The following UQCR11 variants were observed in gnomAD, a reference collection of about 807,000 sequenced individuals.
UQCR11 encodes the protein ubiquinol-cytochrome c reductase, complex III subunit XI, also known as cytochrome b-c1 complex subunit 10.
In UQCR11, 10 loss-of-function variants were observed where a neutral mutation model predicts 7.6. The ratio of observed to expected loss-of-function variants is 1.31; its 90% CI spans 0.81 to 2.22. The LOEUF is 2.22. Among genes scored for constraint, UQCR11 ranks in the 30% most tolerant of loss-of-function variants. The pLI is 0.00. For missense variants in UQCR11, 86 were observed against 75.1 expected (o/e 1.15, Z -0.54); for synonymous variants, 34 against 34.9 (o/e 0.97, Z 0.09).
In UQCR11 at chr19:1,605,122, C is replaced by A. The variant is rs981233778; in HGVS notation, c.50+238G>T. Among the ~76,000 whole-genome samples the A allele has an allele frequency of 3.9e-5, 6 of 152,238 alleles. No homozygotes were observed. The East Asian group carries it at 1.2e-3, about 29-fold the overall frequency. On this transcript the variant is annotated intron_variant, in intron 1 of 2. Coordinates refer to ENST00000591899, the MANE Select transcript of UQCR11 (RefSeq NM_006830.4). ...GAGATGGGGAAACTGAGGCTTGGAG[C>A]GGCCTAGCCGCGGAGCCGGGCATGC...
chr19:1,599,587 C>T, intron 1 of UQCR11, 27 bp from the exon 2 acceptor site: 1 of 1,603,054 alleles, frequency 6.2e-7, no homozygotes, highest in Non-Finnish European at 8.5e-7. Flanking sequence ...GATGGTCAGG[C>T]CTGCTCTGGA....
intron 1 of UQCR11, among the ~76,000 whole-genome samples, chr19:1,601,088 G>C (rs560008772): frequency 6.6e-6 from 1 of 152,170 alleles, no homozygotes. Context: ...AGAATGGCTT[G>C]AACCCAGGAG....
intron 1 of UQCR11, among the ~76,000 whole-genome samples, chr19:1,602,949 C>T (rs754945142): frequency 5.3e-5 from 8 of 152,218 alleles, no homozygotes; most frequent in Non-Finnish European, 1.0e-4. Flanking sequence ...GACCTCGTCG[C>T]CACGACAACC....
At position 1,600,567 on chromosome 19, in the gene UQCR11, G is replaced by A. The variant is rs562840384; in HGVS notation, c.51-1007C>T. The stretch of plus-strand genomic sequence containing the variant: ...GCATGAGCAATGGGGCATCACTGCC[G>A]AGGTCAAGTGACAAAAGACTGGCTT... On this transcript the variant is annotated intron_variant, in intron 1 of 2. Transcript: ENST00000591899. Among the ~76,000 whole-genome samples the A allele has an allele frequency of 1.5e-3, 228 of 152,280 alleles. 1 individual carries two copies. The highest frequency in any genetic ancestry group is 2.8e-3 in the Non-Finnish European group (191 of 68,018).
In UQCR11 at chr19:1,599,393, G is replaced by C. The variant is rs547174800; in HGVS notation, c.*28+19C>G. 1 of 1,608,142 alleles carries C rather than the reference G, an allele frequency of 6.2e-7. No individual in the cohort carries two copies. Among genetic ancestry groups the C allele is most frequent in the East Asian group, 2.2e-5 (1 of 44,774 alleles). On this transcript the variant is annotated intron_variant, in intron 2 of 2. Transcript: ENST00000591899. Reference sequence around the variant, plus strand: ...CCGGCCATCATGCAGTCCACCCACCGCAGCCCACTGAAACTTACCAGAGCA... The same window carrying C: ...CCGGCCATCATGCAGTCCACCCACCCCAGCCCACTGAAACTTACCAGAGCA...
chr19:1,605,399 C>A lies in UQCR11; in HGVS notation c.11G>T (p.Arg4Leu). ...CTCCCGGTAGCGTGGGCCCAGGAACCGGGTCACCATCGCGGCGGAGTCGCA... is the reference window on the plus strand; with the variant it reads ...CTCCCGGTAGCGTGGGCCCAGGAACAGGGTCACCATCGCGGCGGAGTCGCA... Reference protein sequence around the residue: MVTRFLGPRYRELV... With the variant: MVTLFLGPRYRELV... Residue 4 changes from arginine to leucine, a missense_variant, in exon 1 of 3, where the codon CGG becomes CTG. Transcript: ENST00000591899. 1 of 1,572,280 alleles carries A rather than the reference C, an allele frequency of 6.4e-7. No homozygotes were observed. Among genetic ancestry groups the A allele is most frequent in the Non-Finnish European group, 8.6e-7 (1 of 1,163,484 alleles).
Position 1,599,564 on chromosome 19 carries a change from C to G in UQCR11, c.51-4G>C, listed in dbSNP as rs199631311. 3.7e-6 allele frequency: 6 copies of G among 1,607,990 alleles called. No individual in the cohort carries two copies. Among genetic ancestry groups the G allele is most frequent in the Non-Finnish European group, 5.1e-6 (6 of 1,179,922 alleles). ...CCATGTGTAGGCCGTCGGGACCCTG[C>G]GAGAGGAGAGGGGATGGTCAGGCCT... On this transcript the variant is annotated splice_polypyrimidine_tract_variant and splice_region_variant and intron_variant, in intron 1 of 2. Transcript: ENST00000591899.
chr19:1,600,033 T>G (rs1327537773), intron 1 of UQCR11, among the ~76,000 whole-genome samples: 2 of 152,176 alleles, frequency 1.3e-5, no homozygotes, highest in Non-Finnish European at 2.9e-5. Flanking sequence ...GGTTCCAAGC[T>G]CATGCTCTTG....
intron 1 of UQCR11, among the ~76,000 whole-genome samples, chr19:1,600,358 C>T (rs1377856424): frequency 1.3e-5 from 2 of 152,066 alleles, no homozygotes; most frequent in African/African-American, 2.4e-5. Context: ...GGACTACAGG[C>T]GCCCGTCACT....
intron 1 of UQCR11, among the ~76,000 whole-genome samples, chr19:1,600,393 T>C (rs1369304693): frequency 6.6e-6 from 1 of 152,116 alleles, no homozygotes; most frequent in Non-Finnish European, 1.5e-5. Flanking sequence ...TTTTGCATTT[T>C]TAGTAGAGAT....
chr19:1,602,613 G>A (rs1422700827), intron 1 of UQCR11, among the ~76,000 whole-genome samples: 2 of 151,990 alleles, frequency 1.3e-5, no homozygotes, highest in South Asian at 2.1e-4. Flanking sequence ...TACCGCGCCC[G>A]ACTAATTTTT....
At chr19:1,605,050 C>T (rs536592617) in intron 1 of UQCR11, among the ~76,000 whole-genome samples, 3 of 152,378 alleles carry the variant, frequency 2.0e-5, no homozygotes, top group Non-Finnish European at 2.9e-5. Context: ...GACTCGGCAC[C>T]TTCTGGGCGC....
In UQCR11 at chr19:1,597,657, G is replaced by A. The variant is rs1365925499; in HGVS notation, c.*587C>T. 6 of 152,124 alleles carry A rather than the reference G, an allele frequency of 3.9e-5. No individual in the cohort carries two copies. The highest frequency in any genetic ancestry group is 1.4e-4 in the African/African-American group (6 of 41,410). The allele number at this position is 152,124 out of a possible 1,614,324, so 9.4% of individuals were successfully genotyped here. On this transcript the variant is annotated 3_prime_UTR_variant, in exon 3 of 3. Coordinates refer to ENST00000591899, the MANE Select transcript of UQCR11 (RefSeq NM_006830.4). ...TGGCTGTCACCGACAGCCACGTGAG[G>A]GCACTGGCTTGGAAGTGGCTCCAGC... is the stretch of plus-strand genomic sequence containing the variant.
At chr19:1,605,064 C>G (rs1333603039) in intron 1 of UQCR11, among the ~76,000 whole-genome samples, 2 of 152,258 alleles carry the variant, frequency 1.3e-5, no homozygotes, top group African/African-American at 4.8e-5. Flanking sequence ...TGGGCGCTTC[C>G]GTCCAGGGGG....
At chr19:1,604,515 C>T (rs1432445642) in intron 1 of UQCR11, among the ~76,000 whole-genome samples, 1 of 151,804 alleles carries the variant, frequency 6.6e-6, no homozygotes, top group Admixed American at 6.6e-5. Flanking sequence ...CCGGCTAAGA[C>T]CTTGCTGCTT....
rs1014929570 is a variant in UQCR11, at chr19:1,605,313, T to A, written c.50+47A>T. The A allele has an allele frequency of 1.0e-5, 16 of 1,540,120 alleles. No homozygotes were observed. The African/African-American group carries it at 2.3e-4, about 22-fold the overall frequency. On this transcript the variant is annotated intron_variant, in intron 1 of 2. Coordinates refer to ENST00000591899, the MANE Select transcript of UQCR11 (RefSeq NM_006830.4). ...AATACGGAACGCAGCGGCGCGGGGCTGGGCCGAGGCGGGAGCGCGGATGGG... is the reference window on the plus strand; with the variant it reads ...AATACGGAACGCAGCGGCGCGGGGCAGGGCCGAGGCGGGAGCGCGGATGGG...
At chr19:1,598,319 C>T (rs1377515345) in intron 2 of UQCR11, 104 bp from the exon 3 acceptor site, 2 of 152,322 alleles carry the variant, frequency 1.3e-5, no homozygotes, top group Non-Finnish European at 2.9e-5. Flanking sequence ...CCGAGGCGGG[C>T]GCATCACCTG....
intron 1 of UQCR11, among the ~76,000 whole-genome samples, chr19:1,604,952 T>G (rs879404589): frequency 2.0e-5 from 3 of 152,256 alleles, no homozygotes; most frequent in Non-Finnish European, 4.4e-5. Context: ...CAGGCGCAGC[T>G]GAAGCTTTCA....
chr19:1,601,466 T>C (rs1040992676), intron 1 of UQCR11, among the ~76,000 whole-genome samples: 1 of 151,954 alleles, frequency 6.6e-6, no homozygotes, highest in African/African-American at 2.4e-5. Flanking sequence ...CCAGGCAAGG[T>C]GGCGGGCGCC....
Sources: allele counts gnomAD v4.1 joint callset (sites outside exome capture counted in the v4.1 genomes callset), GRCh38; gene constraint gnomAD v4.1.1; transcripts MANE v1.5; gene names NCBI Gene and HGNC (gene_info 2026-07-23, HGNC 2026-07-21).